The following NRG1 variants were observed in gnomAD, a reference collection of about 807,000 sequenced individuals.
NRG1 encodes the protein pro-neuregulin-1, membrane-bound isoform.
A neutral mutation model predicts 63.8 loss-of-function variants in NRG1; 18 were observed. The observed-to-expected ratio is 0.28, with a 90% confidence interval of 0.19 to 0.42. The LOEUF (loss-of-function observed/expected upper bound fraction) is 0.42, where lower values mean the gene tolerates loss of function less well. NRG1 is among the 10% of genes least tolerant of loss of function. The pLI is 1.00. For synonymous variants in NRG1, 302 were observed against 301.3 expected (o/e 1.00, Z -0.02); for missense variants, 762 against 814.7 (o/e 0.94, Z 0.79).
At chr8:32,589,833 T>A (rs1178080434) in intron 1 of NRG1, among the ~76,000 whole-genome samples, 1 of 152,232 alleles carries the variant, frequency 6.6e-6, no homozygotes, top group Non-Finnish European at 1.5e-5. Context: ...AGGTTGTTTT[T>A]TTGGAAATTT....
chr8:32,524,387 C>T (rs1830611731), intron 1 of NRG1, among the ~76,000 whole-genome samples: 1 of 152,160 alleles, frequency 6.6e-6, no homozygotes, highest in Non-Finnish European at 1.5e-5. Context: ...GCAACAAATT[C>T]CCCTGATTTC....
chr8:32,323,246 T>G (rs1449435141), intron 1 of NRG1, among the ~76,000 whole-genome samples: 3 of 152,210 alleles, frequency 2.0e-5, no homozygotes, highest in Admixed American at 2.0e-4. Flanking sequence ...AAAAGTTTAA[T>G]TTTCCCTTTC....
intron 1 of NRG1, among the ~76,000 whole-genome samples, chr8:32,091,094 A>G (rs1339108649): frequency 6.6e-6 from 1 of 152,116 alleles, no homozygotes; most frequent in Non-Finnish European, 1.5e-5. Flanking sequence ...CCTGGCTAAC[A>G]CGGTGAAACC....
chr8:32,580,228 A>G lies in NRG1; in HGVS notation c.101-15600A>G, dbSNP rs188510565. ...TAGTATCCTTAATCTCAAGGTCTCA[A>G]TCATATCTGTGAAGTCCCTTTTGCT... On this transcript the variant is annotated intron_variant, in intron 1 of 11. Transcript: ENST00000356819. 4.1e-4 allele frequency among the ~76,000 whole-genome samples: 62 copies of G among 152,262 alleles called. 1 individual carries two copies. The East Asian group carries it at 7.3e-3, about 18-fold the overall frequency.
At chr8:32,019,345 G>A (rs539855180) in intron 1 of NRG1, among the ~76,000 whole-genome samples, 5 of 152,136 alleles carry the variant, frequency 3.3e-5, no homozygotes, top group African/African-American at 7.2e-5. Context: ...TGATCTGCTC[G>A]CCTTGGCCTC....
chr8:31,888,634 T>A (rs1205523003), intron 1 of NRG1, among the ~76,000 whole-genome samples: 1 of 150,764 alleles, frequency 6.6e-6, no homozygotes, highest in Non-Finnish European at 1.5e-5. Flanking sequence ...CTTCCAAATA[T>A]TTACAGCTTG....
At chr8:31,936,424 C>A (rs1835307315) in intron 1 of NRG1, among the ~76,000 whole-genome samples, 2 of 152,144 alleles carry the variant, frequency 1.3e-5, no homozygotes, top group Admixed American at 1.3e-4. Context: ...TGTGTAAGCA[C>A]CATGACTTCT....
chr8:31,858,066 G>A lies in NRG1; in HGVS notation c.37+218635G>A, dbSNP rs897377401. ...TGTAATCCCAGCACTTTGGGAGGCC[G>A]AGGCGGGCAGATCATGAGGTCAGGA... On this transcript the variant is annotated intron_variant, in intron 1 of 10. Coordinates refer to the NRG1 transcript ENST00000519301. 5.9e-5 allele frequency among the ~76,000 whole-genome samples: 9 copies of A among 152,270 alleles called. No individual in the cohort carries two copies. In the East Asian group the frequency reaches 9.7e-4, roughly 16 times the overall value.
At chr8:31,858,779 A>G (rs576269114) in intron 1 of NRG1, among the ~76,000 whole-genome samples, 1 of 152,310 alleles carries the variant, frequency 6.6e-6, no homozygotes, top group African/African-American at 2.4e-5. Context: ...AAGGGGCTCA[A>G]TTCTCCAGGA....
chr8:32,459,204 C>T (rs1019400053), intron 1 of NRG1, among the ~76,000 whole-genome samples: 1 of 152,152 alleles, frequency 6.6e-6, no homozygotes, highest in Admixed American at 6.6e-5. Context: ...TCTCAATAAA[C>T]ACCACTGCTA....
At chr8:32,449,794 C>G (rs1293944787) in intron 1 of NRG1, among the ~76,000 whole-genome samples, 3 of 152,140 alleles carry the variant, frequency 2.0e-5, no homozygotes, top group Non-Finnish European at 4.4e-5. Flanking sequence ...TATTAACTTC[C>G]TACACACCAT....
chr8:31,798,225 C>T (rs1821423564), intron 1 of NRG1, among the ~76,000 whole-genome samples: 2 of 152,012 alleles, frequency 1.3e-5, no homozygotes, highest in South Asian at 2.1e-4. Context: ...ATATTCGCAA[C>T]ACAGAGAAAT....
chr8:32,516,791 C>T (rs2347495), intron 1 of NRG1, among the ~76,000 whole-genome samples: 25,608 of 152,000 alleles, frequency 0.17, 2,564 homozygotes, highest in Admixed American at 0.31. Context: ...CTAAAAGTCA[C>T]GTTTCTTAGT....
chr8:31,932,037 T>G (rs1168410516), intron 1 of NRG1, among the ~76,000 whole-genome samples: 1 of 152,162 alleles, frequency 6.6e-6, no homozygotes, highest in African/African-American at 2.4e-5. Context: ...GGATGGGTTA[T>G]GAACCCAAAT....
At chr8:32,298,510 G>A (rs1855161091) in intron 1 of NRG1, among the ~76,000 whole-genome samples, 1 of 151,954 alleles carries the variant, frequency 6.6e-6, no homozygotes, top group African/African-American at 2.4e-5. Flanking sequence ...GAGGTCGGGA[G>A]TTCGAGACTA....
At chr8:32,245,450 A>G (rs1848508610) in intron 1 of NRG1, among the ~76,000 whole-genome samples, 1 of 152,154 alleles carries the variant, frequency 6.6e-6, no homozygotes. Context: ...TGCTTTTTCC[A>G]CAAAGGAGGG....
At chr8:31,932,292 G>A (rs1240940607) in intron 1 of NRG1, among the ~76,000 whole-genome samples, 6 of 152,074 alleles carry the variant, frequency 3.9e-5, no homozygotes, top group African/African-American at 1.4e-4. Flanking sequence ...CTTTCATCTC[G>A]CAAATTTTCC....
Position 32,510,387 on chromosome 8 carries a change from G to A in NRG1, c.38-85441G>A, listed in dbSNP as rs188071914. 3.7e-3 allele frequency among the ~76,000 whole-genome samples: 553 copies of A among 150,946 alleles called. 2 individuals carry two copies. The highest frequency in any genetic ancestry group is 5.6e-3 in the Non-Finnish European group (381 of 67,714). Reference sequence around the variant, plus strand: ...AAAAAAATAAAAAATAAAAAAAGGAGGAAAGGAAGAAAATTCCAGTAGAAT... The same window carrying A: ...AAAAAAATAAAAAATAAAAAAAGGAAGAAAGGAAGAAAATTCCAGTAGAAT... On this transcript the variant is annotated intron_variant, in intron 1 of 10. Coordinates refer to the NRG1 transcript ENST00000519301.
chr8:32,220,147 AT>A (rs58299349), intron 1 of NRG1, among the ~76,000 whole-genome samples: 22 of 150,174 alleles, frequency 1.5e-4, no homozygotes, highest in Middle Eastern at 3.4e-3. Flanking sequence ...AACACATCAT[AT>A]TTTTTTTTTC....
Sources: gnomAD v4.1 joint callset for allele counts (sites outside exome capture counted in the v4.1 genomes callset) on GRCh38, gnomAD v4.1.1 for gene constraint, MANE v1.5 for transcripts, NCBI Gene and HGNC (gene_info 2026-07-23, HGNC 2026-07-21) for gene names.